CDH8: variants seen among roughly 807,000 people sequenced by gnomAD.
The protein encoded by CDH8 is cadherin-8.
In CDH8, 17 loss-of-function variants were observed where a neutral mutation model predicts 68.1. The observed-to-expected ratio is 0.25, with a 90% CI of 0.17 to 0.37. The LOEUF (loss-of-function observed/expected upper bound fraction) is 0.37. Ranked by LOEUF, CDH8 falls within the 10% of genes least tolerant of loss-of-function variation. CDH8 has a pLI of 1.00. For synonymous variants in CDH8, 372 were observed against 365.1 expected, an observed-to-expected ratio of 1.02 and a Z score of -0.21; for missense variants, 763 against 999.3, an observed-to-expected ratio of 0.76 and a Z score of 3.19.
At chr16:61,829,466 C>T (rs1008871428) in intron 4 of CDH8, among the ~76,000 whole-genome samples, 2 of 151,858 alleles carry the variant, frequency 1.3e-5, no homozygotes, top group Admixed American at 6.6e-5. Context: ...ATTTTGCCTG[C>T]ATGTCACTCC....
At chr16:61,963,560 C>T (rs1203225607) in intron 2 of CDH8, among the ~76,000 whole-genome samples, 2 of 152,168 alleles carry the variant, frequency 1.3e-5, no homozygotes, top group South Asian at 2.1e-4. Flanking sequence ...GGGCCTCAGG[C>T]CAAGGGAGGT....
intron 9 of CDH8, among the ~76,000 whole-genome samples, chr16:61,721,020 A>T (rs1429110062): frequency 7.1e-6 from 1 of 141,754 alleles, no homozygotes; most frequent in African/African-American, 2.5e-5. Flanking sequence ...TAGGGTTTAA[A>T]CTAACAGAGA....
chr16:61,654,012 G>C lies in CDH8; in HGVS notation c.1996C>G (p.Arg666Gly). The C allele has an allele frequency of 6.2e-7, 1 of 1,613,084 alleles. No homozygotes were observed. Among genetic ancestry groups the C allele is most frequent in the Non-Finnish European group, 8.5e-7 (1 of 1,179,136 alleles). Residue 666 changes from arginine (R) to glycine (G), a missense_variant, in exon 12 of 12, where the codon CGC becomes GGC. Around this residue, in one of 2 missense-constraint regions of CDH8, gnomAD observed 397 missense variants for 436.2 expected, o/e 0.91. Coordinates refer to ENST00000577390, the MANE Select transcript of CDH8 (RefSeq NM_001796.5). ...TCCCCTCCTCCTTCATCATCGTAGC[G>C]AATGATGTTTTCTCGAACGTCTTCA... ...DDEDVRENII[R>G]YDDEGGGEED...
chr16:61,790,759 A>G (rs772018644), intron 7 of CDH8, among the ~76,000 whole-genome samples: 2 of 152,022 alleles, frequency 1.3e-5, no homozygotes, highest in Non-Finnish European at 2.9e-5. Context: ...CATTGAAAAC[A>G]TTATGTATGT....
At chr16:62,014,131 T>C (rs1170544650) in intron 2 of CDH8, among the ~76,000 whole-genome samples, 1 of 152,174 alleles carries the variant, frequency 6.6e-6, no homozygotes, top group Non-Finnish European at 1.5e-5. Flanking sequence ...AGTTTGCTCA[T>C]GAACAAACTA....
At chr16:61,954,574 T>C (rs534834529) in intron 2 of CDH8, among the ~76,000 whole-genome samples, 1 of 151,804 alleles carries the variant, frequency 6.6e-6, no homozygotes, top group African/African-American at 2.4e-5. Context: ...TGGTGGTGGG[T>C]GCCTGTAGTC....
intron 3 of CDH8, among the ~76,000 whole-genome samples, chr16:61,864,019 T>TA (rs1963204487): frequency 1.3e-5 from 2 of 152,126 alleles, no homozygotes; most frequent in African/African-American, 2.4e-5. Context: ...GCAATACAAA[T>TA]AGGTGTTGGG....
chr16:62,022,836 A>C (rs1902105574), intron 1 of CDH8, among the ~76,000 whole-genome samples: 1 of 152,192 alleles, frequency 6.6e-6, no homozygotes, highest in African/African-American at 2.4e-5. Flanking sequence ...GCAGTATCTG[A>C]TCTAACAAGA....
intron 10 of CDH8, among the ~76,000 whole-genome samples, chr16:61,661,408 A>G (rs947841789): frequency 2.6e-5 from 4 of 151,988 alleles, no homozygotes; most frequent in Non-Finnish European, 5.9e-5. Context: ...TTGTCTGACC[A>G]CAGTGGAATG....
chr16:61,677,428 G>A (rs1043568229), intron 10 of CDH8, among the ~76,000 whole-genome samples: 1 of 151,560 alleles, frequency 6.6e-6, no homozygotes, highest in Non-Finnish European at 1.5e-5. Context: ...TTTACACCAT[G>A]CTTTTCCTAA....
In CDH8 at chr16:61,668,044, T is replaced by A. The variant is rs375775648; in HGVS notation, c.1655-12323A>T. Reference sequence around the variant, plus strand: ...GGAAGTTTTTCCATGTTATGACACCTTTATTAGAGACAACAAAAAGCGAAG... The same window carrying A: ...GGAAGTTTTTCCATGTTATGACACCATTATTAGAGACAACAAAAAGCGAAG... On this transcript the variant is annotated intron_variant, in intron 10 of 11. Coordinates refer to ENST00000577390, the MANE Select transcript of CDH8 (RefSeq NM_001796.5). 2.1e-4 allele frequency among the ~76,000 whole-genome samples: 32 copies of A among 152,090 alleles called. No homozygotes were observed. The South Asian group carries it at 6.4e-3, about 31-fold the overall frequency.
intron 2 of CDH8, among the ~76,000 whole-genome samples, chr16:61,966,163 TA>T (rs770425343): frequency 2.6e-5 from 4 of 152,220 alleles, no homozygotes; most frequent in Non-Finnish European, 5.9e-5. Context: ...TCTACATATT[TA>T]TTATGCTTTT....
chr16:61,689,995 T>C (rs778928617), intron 10 of CDH8, among the ~76,000 whole-genome samples: 16 of 152,078 alleles, frequency 1.1e-4, no homozygotes. Context: ...GTTAACCAGT[T>C]ACACTGTGAT....
intron 2 of CDH8, among the ~76,000 whole-genome samples, chr16:61,978,686 G>C (rs1012010): frequency 0.52 from 78,315 of 151,938 alleles, 20,862 homozygotes; most frequent in East Asian, 0.67. Flanking sequence ...AATCCACTTG[G>C]GCAAGCTCGT....
At chr16:61,683,423 C>A (rs923623496) in intron 10 of CDH8, among the ~76,000 whole-genome samples, 1 of 151,934 alleles carries the variant, frequency 6.6e-6, no homozygotes, top group African/African-American at 2.4e-5. Context: ...AATACGATGA[C>A]ATAATGTGTG....
rs1033730456 is a variant in CDH8 at position 61,653,043 on chromosome 16, G to A, written c.*565C>T. The A allele has an allele frequency of 1.4e-6, 2 of 1,386,808 alleles. No individual in the cohort carries two copies. The highest frequency in any genetic ancestry group is 1.9e-4 in the Middle Eastern group (1 of 5,382). The allele number at this position is 1,386,808 out of a possible 1,614,324, so 85.9% of individuals were successfully genotyped here. A position where few individuals can be genotyped will look rare whatever the true frequency, so the allele number is the denominator to read the frequency against. On this transcript the variant is annotated 3_prime_UTR_variant, in exon 12 of 12. Coordinates refer to ENST00000577390, the MANE Select transcript of CDH8 (RefSeq NM_001796.5). The stretch of plus-strand genomic sequence containing the variant: ...TGCTATTCAGTCTCTAGTGAGTGGG[G>A]CCAACAATTATGTACAATGTGTGGT...
intron 2 of CDH8, among the ~76,000 whole-genome samples, chr16:61,985,448 A>G (rs756719756): frequency 1.3e-5 from 2 of 152,234 alleles, no homozygotes; most frequent in Non-Finnish European, 2.9e-5. Context: ...ACTATTGGAC[A>G]GAACATCCTG....
Position 61,960,407 on chromosome 16 carries a change from A to ATGTGTGTG in CDH8, c.253-58935_253-58934insCACACACA, listed in dbSNP as rs1567546866. Reference sequence around the variant, plus strand: ...TGTGTGTATACACATACATATATACATATATGTGTGTGTGTATACACATAC... The same window carrying ATGTGTGTG: ...TGTGTGTATACACATACATATATACATGTGTGTGTATATGTGTGTGTGTATACACATAC... On this transcript the variant is annotated intron_variant, in intron 2 of 11. Transcript: ENST00000577390. 4.5e-4 allele frequency among the ~76,000 whole-genome samples: 52 copies of ATGTGTGTG among 116,504 alleles called. 6 individuals carry two copies. Among genetic ancestry groups the ATGTGTGTG allele is most frequent in the African/African-American group, 1.1e-3 (26 of 22,678 alleles). 76.4% of individuals were successfully genotyped at this position (116,504 alleles called of 152,430 possible).
chr16:61,721,505 A>C (rs1567439874), intron 9 of CDH8, among the ~76,000 whole-genome samples: 1 of 150,906 alleles, frequency 6.6e-6, no homozygotes, highest in Non-Finnish European at 1.5e-5. Context: ...GACAAAAAAA[A>C]TAAAGTATCA....
Sources: gnomAD v4.1 joint callset for allele counts (sites outside exome capture counted in the v4.1 genomes callset) on GRCh38, gnomAD v4.1.1 for gene constraint, gnomAD v4.1.1 regional missense constraint, MANE v1.5 for transcripts, NCBI Gene and HGNC (gene_info 2026-07-23, HGNC 2026-07-21) for gene names.